Variants in FER1L6 observed in about 807,000 individuals in gnomAD.
The protein encoded by FER1L6 is fer-1 like family member 6.
A neutral mutation model predicts 219.2 loss-of-function variants in FER1L6; 177 were observed. The ratio of observed to expected loss-of-function variants is 0.81; its 90% CI spans 0.71 to 0.91. The LOEUF (loss-of-function observed/expected upper bound fraction) is 0.91. Among genes scored for constraint, FER1L6 ranks in the 40% least tolerant of loss-of-function variants. FER1L6 has a pLI of 0.00. For missense variants in FER1L6, 2,153 were observed against 2,259.9 expected (o/e 0.95, Z 0.96); for synonymous variants, 768 against 824.3 (o/e 0.93, Z 1.17).
chr8:123,982,030 C>T (rs1286109700), intron 11 of FER1L6, among the ~76,000 whole-genome samples: 1 of 152,166 alleles, frequency 6.6e-6, no homozygotes, highest in African/African-American at 2.4e-5. Flanking sequence ...CTCCCCAGTT[C>T]TCTCCTCTGA....
At chr8:123,882,741 T>C (rs1396451745) in intron 1 of FER1L6, among the ~76,000 whole-genome samples, 1 of 152,210 alleles carries the variant, frequency 6.6e-6, no homozygotes, top group Non-Finnish European at 1.5e-5. Context: ...AAGAACGTTA[T>C]GAATAGAGTA....
chr8:123,893,453 C>T lies in FER1L6; in HGVS notation c.-8+41268C>T, dbSNP rs577071444. ...TGATTCTTTTTCAGAGATTAGAGAACTTTTTGAACTATTTATAGTTTTGAA... is the reference window on the plus strand; with the variant it reads ...TGATTCTTTTTCAGAGATTAGAGAATTTTTTGAACTATTTATAGTTTTGAA... On this transcript the variant is annotated intron_variant, in intron 1 of 40. Transcript: ENST00000522917. Among the ~76,000 whole-genome samples, 3 of 152,184 alleles carry T rather than the reference C, an allele frequency of 2.0e-5. No individual in the cohort carries two copies. The South Asian group carries it at 6.2e-4, about 32-fold the overall frequency.
intron 1 of FER1L6, among the ~76,000 whole-genome samples, chr8:123,887,472 G>T (rs1817225255): frequency 6.6e-6 from 1 of 152,152 alleles, no homozygotes; most frequent in African/African-American, 2.4e-5. Context: ...ACCACAGCTG[G>T]CCCCAACTGC....
Position 123,973,422 on chromosome 8 carries a change from C to G in FER1L6, c.448-12C>G. ...GTAAATCTGCCATACTCCCTGCTCT[C>G]TCTCTCCTCAGGTCTTTCACCACAA... is the stretch of plus-strand genomic sequence containing the variant. On this transcript the variant is annotated splice_polypyrimidine_tract_variant and intron_variant, in intron 6 of 40. Transcript: ENST00000522917. 2 of 1,609,848 alleles carry G rather than the reference C, an allele frequency of 1.2e-6. No homozygotes were observed. The highest frequency in any genetic ancestry group is 1.7e-6 in the Non-Finnish European group (2 of 1,176,038).
At chr8:124,023,671 G>C in intron 18 of FER1L6, 75 bp downstream of exon 18, 1 of 1,494,066 alleles carries the variant, frequency 6.7e-7, no homozygotes. Flanking sequence ...TCTAGTGTGT[G>C]TCCATGGCTC....
intron 19 of FER1L6, among the ~76,000 whole-genome samples, chr8:124,036,851 T>C (rs1217556593): frequency 6.6e-6 from 1 of 152,202 alleles, no homozygotes; most frequent in African/African-American, 2.4e-5. Context: ...ATTGATGGCT[T>C]TGGCTGCCTT....
At chr8:123,855,579 A>T (rs1191472363) in intron 1 of FER1L6, among the ~76,000 whole-genome samples, 1 of 151,818 alleles carries the variant, frequency 6.6e-6, no homozygotes, top group African/African-American at 2.4e-5. Context: ...TGGACCAAAA[A>T]CATGATCTTG....
chr8:123,980,707 GGTAAAGAC>G lies in FER1L6; in HGVS notation c.1307_1314del (p.Gly436GlufsTer3), dbSNP rs1429073474. On this transcript the variant is annotated frameshift_variant, in exon 11 of 41. Transcript: ENST00000522917. LOFTEE classifies it high-confidence loss of function. ...GGACAAAGACTCCAAATCTTCCAAAGGTAAAGACAAGGCTGACAAAACTGAAGATGGAA... is the reference window on the plus strand; with the variant it reads ...GGACAAAGACTCCAAATCTTCCAAAGAAGGCTGACAAAACTGAAGATGGAA... 6.2e-7 allele frequency: 1 copy of G among 1,613,954 alleles called. No homozygotes were observed. Among genetic ancestry groups the G allele is most frequent in the African/African-American group, 1.3e-5 (1 of 74,896 alleles).
At chr8:123,969,016 C>G (rs1174110054) in intron 5 of FER1L6, among the ~76,000 whole-genome samples, 2 of 152,174 alleles carry the variant, frequency 1.3e-5, no homozygotes, top group African/African-American at 4.8e-5. Flanking sequence ...CTTCAGTTTT[C>G]TGCATCTTAT....
chr8:124,076,514 T>TCC (rs1563785083), intron 32 of FER1L6, among the ~76,000 whole-genome samples, 189 bp downstream of exon 32: 1 of 152,176 alleles, frequency 6.6e-6, no homozygotes. Context: ...TCTTTCATGG[T>TCC]CCCCTGAGGA....
intron 12 of FER1L6, among the ~76,000 whole-genome samples, chr8:123,990,890 T>C (rs1816825779): frequency 6.6e-6 from 1 of 152,188 alleles, no homozygotes; most frequent in African/African-American, 2.4e-5. Context: ...GAGTTGATTT[T>C]TGTATACGAT....
chr8:123,870,870 T>C (rs1816911469), intron 1 of FER1L6, among the ~76,000 whole-genome samples: 1 of 152,178 alleles, frequency 6.6e-6, no homozygotes, highest in Non-Finnish European at 1.5e-5. Context: ...ATAATCTACC[T>C]GTATTAAAAA....
intron 1 of FER1L6, among the ~76,000 whole-genome samples, chr8:123,936,227 T>C (rs1322322762): frequency 1.3e-5 from 2 of 152,106 alleles, no homozygotes; most frequent in East Asian, 3.9e-4. Context: ...CCCCAACCCA[T>C]TGTTTCAAGC....
chr8:123,974,648 A>G (rs1294952910), intron 7 of FER1L6, among the ~76,000 whole-genome samples: 5 of 129,958 alleles, frequency 3.8e-5, no homozygotes, highest in Non-Finnish European at 8.0e-5. Flanking sequence ...CATCACAGCG[A>G]GACTCTGTCT....
chr8:123,914,389 A>G (rs912327603), intron 1 of FER1L6, among the ~76,000 whole-genome samples: 1 of 152,232 alleles, frequency 6.6e-6, no homozygotes, highest in Non-Finnish European at 1.5e-5. Context: ...TATATACGTC[A>G]GTGGGTGGGG....
At chr8:123,981,191 A>G (rs1273042108) in intron 11 of FER1L6, among the ~76,000 whole-genome samples, 1 of 152,152 alleles carries the variant, frequency 6.6e-6, no homozygotes, top group Non-Finnish European at 1.5e-5. Context: ...ATAATTTTGG[A>G]TGAGGAATGA....
intron 29 of FER1L6, 68 bp from the exon 30 acceptor site, chr8:124,070,399 G>C: frequency 2.6e-6 from 4 of 1,564,664 alleles, no homozygotes; most frequent in Non-Finnish European, 3.5e-6. Flanking sequence ...GAGAATCTTG[G>C]CATTTCTCAT....
intron 1 of FER1L6, among the ~76,000 whole-genome samples, chr8:123,896,476 G>T (rs548238582): frequency 6.6e-6 from 1 of 152,174 alleles, no homozygotes; most frequent in South Asian, 2.1e-4. Flanking sequence ...ATGGACTCTT[G>T]CAAGGAACCA....
chr8:123,864,964 G>A (rs1475687004), intron 1 of FER1L6, among the ~76,000 whole-genome samples: 2 of 151,208 alleles, frequency 1.3e-5, no homozygotes, highest in East Asian at 1.9e-4. Flanking sequence ...ATCGTCTGAA[G>A]CCTTCCTCTC....
Sources: gnomAD v4.1 joint callset for allele counts (sites outside exome capture counted in the v4.1 genomes callset) on GRCh38, gnomAD v4.1.1 for gene constraint, MANE v1.5 for transcripts, NCBI Gene and HGNC (gene_info 2026-07-23, HGNC 2026-07-21) for gene names.